GMDS: variants seen among roughly 807,000 people sequenced by gnomAD.
GMDS encodes GDP-mannose 4,6-dehydratase.
In GMDS, 20 loss-of-function variants were observed where a neutral mutation model predicts 49.9. That is an observed-to-expected ratio of 0.40 (90% CI 0.28 to 0.58). The LOEUF (loss-of-function observed/expected upper bound fraction) is 0.58, where lower values mean the gene tolerates loss of function less well. GMDS is among the 20% of genes least tolerant of loss of function. The pLI, the probability that GMDS is intolerant of heterozygous loss-of-function variation, is 0.42. For missense variants in GMDS, 362 were observed against 481.4 expected (o/e 0.75, Z 2.32); for synonymous variants, 177 against 178.6 (o/e 0.99, Z 0.07).
At chr6:1,779,085 A>G (rs1164036308) in intron 7 of GMDS, among the ~76,000 whole-genome samples, 1 of 152,134 alleles carries the variant, frequency 6.6e-6, no homozygotes, top group Non-Finnish European at 1.5e-5. Flanking sequence ...TACTCTGTTT[A>G]GAAATCAGAC....
At chr6:1,742,777 T>C (rs2113492034) in intron 7 of GMDS, among the ~76,000 whole-genome samples, 191 bp from the exon 8 acceptor site, 1 of 152,270 alleles carries the variant, frequency 6.6e-6, no homozygotes, top group South Asian at 2.1e-4. Flanking sequence ...AACTTCTTGG[T>C]GTGGATGCCA....
intron 4 of GMDS, among the ~76,000 whole-genome samples, chr6:2,106,574 G>C (rs1774253479): frequency 6.6e-6 from 1 of 151,984 alleles, no homozygotes; most frequent in South Asian, 2.1e-4. Context: ...ATCTAATCAA[G>C]AATCCTGGCT....
At chr6:2,221,769 T>C (rs886994622) in intron 1 of GMDS, among the ~76,000 whole-genome samples, 1 of 152,136 alleles carries the variant, frequency 6.6e-6, no homozygotes. Context: ...ATATTCACAT[T>C]ATAGCAGTCC....
rs552585697 is a variant in GMDS at position 2,168,859 on chromosome 6, T to A, written c.103-44128A>T. On this transcript the variant is annotated intron_variant, in intron 1 of 10. Coordinates refer to ENST00000380815, the MANE Select transcript of GMDS (RefSeq NM_001500.4). ...TAAAAAAGTCTGCTCTCAATTTTGA[T>A]GTATTTCTAAGTCCTTACAGCCAAC... is the stretch of plus-strand genomic sequence containing the variant. Among the ~76,000 whole-genome samples the A allele has an allele frequency of 2.6e-4, 39 of 152,370 alleles. No individual in the cohort carries two copies. In the South Asian group the frequency reaches 5.2e-3, roughly 20 times the overall value.
At chr6:2,017,454 G>A (rs190607793) in intron 4 of GMDS, among the ~76,000 whole-genome samples, 17 of 152,118 alleles carry the variant, frequency 1.1e-4, no homozygotes, top group Non-Finnish European at 1.6e-4. Context: ...GATTACAGGC[G>A]CGTGCCACTG....
At chr6:1,675,001 G>A (rs1764570165) in intron 9 of GMDS, among the ~76,000 whole-genome samples, 1 of 151,616 alleles carries the variant, frequency 6.6e-6, no homozygotes, top group Non-Finnish European at 1.5e-5. Context: ...GCAATGATGC[G>A]ATCTCGGCTC....
At chr6:2,114,553 G>A (rs1774735819) in intron 4 of GMDS, among the ~76,000 whole-genome samples, 1 of 152,158 alleles carries the variant, frequency 6.6e-6, no homozygotes, top group Admixed American at 6.5e-5. Context: ...TAAAGACCCT[G>A]ATACCTTTCA....
Position 1,833,550 on chromosome 6 carries a change from T to A in GMDS, c.772-90964A>T, listed in dbSNP as rs1366499766. ...TTCCTTTCCCTTCTCCTCCCCTTCCTGAGGGAACATAACACAAGGTAATTA... is the reference window on the plus strand; with the variant it reads ...TTCCTTTCCCTTCTCCTCCCCTTCCAGAGGGAACATAACACAAGGTAATTA... On this transcript the variant is annotated intron_variant, in intron 7 of 10. Transcript: ENST00000380815. The surrounding 1 kb of genome is among the most constrained non-coding windows in gnomAD (Gnocchi z 4.4). Among the ~76,000 whole-genome samples, 1 of 152,122 alleles carries A rather than the reference T, an allele frequency of 6.6e-6. No individual in the cohort carries two copies. The highest frequency in any genetic ancestry group is 1.5e-5 in the Non-Finnish European group (1 of 68,024).
At chr6:2,206,306 T>C (rs1779804977) in intron 1 of GMDS, among the ~76,000 whole-genome samples, 1 of 151,678 alleles carries the variant, frequency 6.6e-6, no homozygotes, top group African/African-American at 2.4e-5. Context: ...AGTTTTCCCA[T>C]TCAAGCAAAG....
rs541136601 is a variant in GMDS at position 2,177,439 on chromosome 6, C to T, written c.103-52708G>A. 2.0e-5 allele frequency among the ~76,000 whole-genome samples: 3 copies of T among 152,208 alleles called. No individual in the cohort carries two copies. The South Asian group carries it at 6.2e-4, about 32-fold the overall frequency. ...TATCCCTGATAAACAGACATAAAATCCTCAACAAAATACTGGCAAACTGAA... is the reference window on the plus strand; with the variant it reads ...TATCCCTGATAAACAGACATAAAATTCTCAACAAAATACTGGCAAACTGAA... On this transcript the variant is annotated intron_variant, in intron 1 of 10. Transcript: ENST00000380815.
intron 1 of GMDS, among the ~76,000 whole-genome samples, chr6:2,168,510 T>A (rs1407449280): frequency 6.6e-6 from 1 of 152,216 alleles, no homozygotes; most frequent in Non-Finnish European, 1.5e-5. Context: ...CAAATCAATA[T>A]TAAATAACTA....
chr6:2,187,098 T>C (rs1334973665), intron 1 of GMDS, among the ~76,000 whole-genome samples: 1 of 152,226 alleles, frequency 6.6e-6, no homozygotes, highest in Non-Finnish European at 1.5e-5. Flanking sequence ...AGAGATATTC[T>C]TCATTCATCA....
intron 7 of GMDS, among the ~76,000 whole-genome samples, chr6:1,759,503 A>G (rs546571460): frequency 1.4e-4 from 21 of 152,286 alleles, no homozygotes; most frequent in Non-Finnish European, 2.6e-4. Flanking sequence ...ACTCAATTCT[A>G]CGTGCTGGTT....
At chr6:1,644,536 C>T (rs1423265769) in intron 9 of GMDS, among the ~76,000 whole-genome samples, 4 of 152,248 alleles carry the variant, frequency 2.6e-5, no homozygotes, top group Non-Finnish European at 4.4e-5. Context: ...CTGAAATTCT[C>T]TCCACTTTAG....
intron 1 of GMDS, among the ~76,000 whole-genome samples, chr6:2,187,157 T>C (rs903803316): frequency 6.6e-6 from 1 of 152,222 alleles, no homozygotes; most frequent in Non-Finnish European, 1.5e-5. Context: ...CAGCTGGTCC[T>C]TTCTGCACTG....
intron 7 of GMDS, among the ~76,000 whole-genome samples, chr6:1,813,095 G>C (rs1223231055): frequency 6.6e-6 from 1 of 151,686 alleles, no homozygotes; most frequent in South Asian, 2.1e-4. Flanking sequence ...GGTGGTGTAT[G>C]AGCACAGTCC....
At chr6:1,732,958 G>A (rs1404592520) in intron 8 of GMDS, among the ~76,000 whole-genome samples, 4 of 152,208 alleles carry the variant, frequency 2.6e-5, no homozygotes, top group Non-Finnish European at 4.4e-5. Context: ...GCCCCTCTAC[G>A]TTGCAGAGAA....
chr6:1,996,889 G>T (rs1488181134), intron 4 of GMDS, among the ~76,000 whole-genome samples: 1 of 152,104 alleles, frequency 6.6e-6, no homozygotes, highest in Non-Finnish European at 1.5e-5. Flanking sequence ...ACAACCAACA[G>T]TGTTTTCCAT....
chr6:1,821,390 C>T (rs1770885375), intron 7 of GMDS, among the ~76,000 whole-genome samples: 1 of 151,856 alleles, frequency 6.6e-6, no homozygotes, highest in Non-Finnish European at 1.5e-5. Context: ...CGGGGGGCAG[C>T]TCGCTGTCGT....
Sources: gnomAD v4.1 joint callset for allele counts (sites outside exome capture counted in the v4.1 genomes callset) on GRCh38, gnomAD v4.1.1 for gene constraint, Gnocchi (gnomAD v3.1) non-coding constraint, MANE v1.5 for transcripts, NCBI Gene and HGNC (gene_info 2026-07-23, HGNC 2026-07-21) for gene names.